The following FRY variants were observed in gnomAD, a reference collection of about 807,000 sequenced individuals.
FRY encodes the protein protein furry homolog.
FRY carries 128 observed loss-of-function variants against 348.4 expected under a neutral mutation model. The ratio of observed to expected loss-of-function variants is 0.37; its 90% CI spans 0.32 to 0.43. The LOEUF is 0.43. Among genes scored for constraint, FRY ranks in the 20% least tolerant of loss-of-function variants. The pLI is 1.00. For synonymous variants in FRY, 1,370 were observed against 1,374.7 expected, an observed-to-expected ratio of 1.00 and a Z score of 0.08; for missense variants, 2,736 against 3,695.2, an observed-to-expected ratio of 0.74 and a Z score of 6.73.
intron 2 of FRY, among the ~76,000 whole-genome samples, chr13:32,097,784 G>T (rs938159283): frequency 6.6e-6 from 1 of 151,896 alleles, no homozygotes; most frequent in East Asian, 1.9e-4. Context: ...GTGTGTGTTG[G>T]TTAAGAAGTT....
chr13:32,277,947 C>A (rs931923152), intron 57 of FRY, among the ~76,000 whole-genome samples: 1 of 152,190 alleles, frequency 6.6e-6, no homozygotes, highest in Non-Finnish European at 1.5e-5. Context: ...AGTTACTACC[C>A]CAGATGCTTA....
chr13:32,071,170 G>A (rs1874631654), intron 1 of FRY, among the ~76,000 whole-genome samples: 1 of 152,100 alleles, frequency 6.6e-6, no homozygotes, highest in Admixed American at 6.5e-5. Flanking sequence ...TGTTCTTTTT[G>A]CTTAGGATTG....
rs1887664427 is a variant in FRY, at chr13:32,261,833, C to T, written c.7617+17C>T. The T allele has an allele frequency of 6.2e-7, 1 of 1,610,574 alleles. No individual in the cohort carries two copies. The highest frequency in any genetic ancestry group is 8.5e-7 in the Non-Finnish European group (1 of 1,176,914). On this transcript the variant is annotated intron_variant, in intron 52 of 60. Transcript: ENST00000542859. ...TCAGACCTAGTAAGTAGCGGCTCTC[C>T]CACTCTAAGAATTGGGAGGCTTATT...
intron 24 of FRY, among the ~76,000 whole-genome samples, chr13:32,183,283 A>G (rs956129759): frequency 1.1e-4 from 17 of 152,234 alleles, no homozygotes; most frequent in African/African-American, 4.1e-4. Flanking sequence ...TTTGTCAACT[A>G]TTACATTCTT....
chr13:32,208,801 A>T, intron 31 of FRY, 52 bp from the exon 32 acceptor site: 5 of 1,609,408 alleles, frequency 3.1e-6, no homozygotes, highest in Non-Finnish European at 4.3e-6. Context: ...ATTTCCATTT[A>T]TTTTGGTGGA....
chr13:32,265,612 G>A lies in FRY; in HGVS notation c.7942G>A (p.Ala2648Thr), dbSNP rs1285831847. Residue 2648 changes from alanine (A) to threonine (T), a missense_variant, in exon 54 of 61, where the codon GCG (alanine) becomes ACG (threonine). By Grantham distance (58) the Ala-to-Thr change is moderately conservative (BLOSUM62 0). Transcript: ENST00000542859. ...GNRALDQFTLASFGEGDRGVS... is the reference protein window; with the variant it reads ...GNRALDQFTLTSFGEGDRGVS... ...TCGGGCACTGGACCAGTTTACCCTG[G>A]CGAGGTAATGGAGCCCTTGGCTGAT... The A allele has an allele frequency of 3.1e-6, 5 of 1,613,900 alleles. No individual in the cohort carries two copies. Among genetic ancestry groups the A allele is most frequent in the Non-Finnish European group, 3.4e-6 (4 of 1,179,920 alleles).
At chr13:32,246,913 G>T (rs75940570) in intron 47 of FRY, among the ~76,000 whole-genome samples, 2 of 151,712 alleles carry the variant, frequency 1.3e-5, no homozygotes, top group Non-Finnish European at 1.5e-5. Context: ...AATGGAGCAG[G>T]AGGAGCCAGA....
At chr13:32,093,744 C>T (rs557405879) in intron 2 of FRY, among the ~76,000 whole-genome samples, 116 of 152,342 alleles carry the variant, frequency 7.6e-4, no homozygotes, top group African/African-American at 2.7e-3. Flanking sequence ...TGTTCACTGT[C>T]ACTCAGTGAG....
At chr13:32,042,845 T>G (rs1872815486) in intron 1 of FRY, among the ~76,000 whole-genome samples, 1 of 152,232 alleles carries the variant, frequency 6.6e-6, no homozygotes, top group Non-Finnish European at 1.5e-5. Flanking sequence ...GTTCAGGCCC[T>G]GGCACTGGGC....
In FRY at chr13:32,184,838, A is replaced by G. The variant is rs372218549; in HGVS notation, c.3147-138A>G. 117 of 1,007,838 alleles carry G rather than the reference A, an allele frequency of 1.2e-4. No homozygotes were observed. In the African/African-American group the frequency reaches 1.7e-3, roughly 15 times the overall value. 62.4% of individuals were successfully genotyped at this position (1,007,838 alleles called of 1,614,324 possible). A position where few individuals can be genotyped will look rare whatever the true frequency, so the allele number is the denominator to read the frequency against. On this transcript the variant is annotated intron_variant, in intron 25 of 60. Coordinates refer to ENST00000542859, the MANE Select transcript of FRY (RefSeq NM_023037.3). ...CCAAAAACTCGCTTTTTCTTTTTTC[A>G]TATTTTCTTTACACTGCATATAGGT...
intron 9 of FRY, 30 bp from the exon 10 acceptor site, chr13:32,135,055 A>T: frequency 6.5e-7 from 1 of 1,543,456 alleles, no homozygotes; most frequent in Non-Finnish European, 9.0e-7. Context: ...AATTTTATTA[A>T]TATAATATTC....
intron 53 of FRY, among the ~76,000 whole-genome samples, chr13:32,263,212 C>A (rs1169588997): frequency 6.6e-6 from 1 of 152,092 alleles, no homozygotes; most frequent in Non-Finnish European, 1.5e-5. Flanking sequence ...GAGTCAAGCA[C>A]TGTCTATCAT....
chr13:32,236,026 A>T, intron 42 of FRY, 52 bp from the exon 43 acceptor site: 1 of 1,177,096 alleles, frequency 8.5e-7, no homozygotes, highest in Admixed American at 1.7e-5. Context: ...TATCTTAGGA[A>T]ATTAACAATG....
intron 3 of FRY, among the ~76,000 whole-genome samples, chr13:32,115,519 A>G (rs530137468): frequency 6.6e-6 from 1 of 152,268 alleles, no homozygotes; most frequent in East Asian, 1.9e-4. Flanking sequence ...CTCATTTTCT[A>G]GAGAAGAAAA....
intron 3 of FRY, among the ~76,000 whole-genome samples, chr13:32,114,311 T>C (rs1271809318): frequency 6.6e-6 from 1 of 152,222 alleles, no homozygotes; most frequent in African/African-American, 2.4e-5. Flanking sequence ...CATGGTACTT[T>C]TGTCACAACT....
At chr13:32,194,437 C>A in intron 29 of FRY, 140 bp downstream of exon 29, 1 of 728,916 alleles carries the variant, frequency 1.4e-6, no homozygotes, top group South Asian at 1.6e-5. Flanking sequence ...ATGTCCCCAG[C>A]AGGTAAACTA....
chr13:32,109,993 G>A (rs1246823831), intron 3 of FRY, among the ~76,000 whole-genome samples: 1 of 152,208 alleles, frequency 6.6e-6, no homozygotes, highest in African/African-American at 2.4e-5. Context: ...CACAGCAGCT[G>A]ATGCAGGGAC....
intron 15 of FRY, 31 bp from the exon 16 acceptor site, chr13:32,157,242 T>G (rs765578250): frequency 6.3e-7 from 1 of 1,593,060 alleles, no homozygotes; most frequent in Admixed American, 1.7e-5. Context: ...TAGATTCAGT[T>G]GAAGGTATAA....
chr13:32,118,166 T>C (rs894762931), intron 4 of FRY, among the ~76,000 whole-genome samples: 1 of 152,214 alleles, frequency 6.6e-6, no homozygotes, highest in African/African-American at 2.4e-5. Context: ...TAAGCACATA[T>C]AATTTCATAT....
Sources: gnomAD v4.1 joint callset for allele counts (sites outside exome capture counted in the v4.1 genomes callset) on GRCh38, gnomAD v4.1.1 for gene constraint, MANE v1.5 for transcripts, NCBI Gene and HGNC (gene_info 2026-07-23, HGNC 2026-07-21) for gene names.